Variants in ASPH observed in about 807,000 individuals in gnomAD.
The protein encoded by ASPH is aspartyl/asparaginyl beta-hydroxylase.
A neutral mutation model predicts 118.4 loss-of-function variants in ASPH; 100 were observed. That is an observed-to-expected ratio of 0.84 (90% CI 0.72 to 1.00). The LOEUF is 1.00. ASPH is among the 50% of genes least tolerant of loss of function. The pLI, the probability that ASPH is intolerant of heterozygous loss-of-function variation, is 0.00. For synonymous variants in ASPH, 315 were observed against 325.6 expected, an observed-to-expected ratio of 0.97 and a Z score of 0.35; for missense variants, 920 against 919.5, an observed-to-expected ratio of 1.00 and a Z score of -0.01.
At chr8:61,714,004 C>A (rs914342258) in intron 1 of ASPH, among the ~76,000 whole-genome samples, 3 of 152,258 alleles carry the variant, frequency 2.0e-5, no homozygotes, top group African/African-American at 4.8e-5. Context: ...GTCTCGGCTG[C>A]GCCCTGCAGG....
intron 1 of ASPH, among the ~76,000 whole-genome samples, chr8:61,695,534 T>C (rs940536703): frequency 2.6e-4 from 40 of 152,304 alleles, no homozygotes; most frequent in Admixed American, 1.2e-3. Flanking sequence ...ACCCCAGCTA[T>C]TGCCAGCTCA....
intron 16 of ASPH, among the ~76,000 whole-genome samples, chr8:61,573,342 C>T (rs1834038790): frequency 6.6e-6 from 1 of 152,164 alleles, no homozygotes; most frequent in Admixed American, 6.5e-5. Flanking sequence ...TGACTTTCTT[C>T]ACAGCATTAG....
At position 61,642,504 on chromosome 8, in the gene ASPH, C is replaced by T. The variant is rs117111090; in HGVS notation, c.790+384G>A. On this transcript the variant is annotated intron_variant, in intron 10 of 24. Transcript: ENST00000379454. ...AAGTTGCAAAGTTTATAGTTTAAAG[C>T]ATAATGTTCCACATCTTGTAGTCAA... Among the ~76,000 whole-genome samples, 859 of 152,310 alleles carry T rather than the reference C, an allele frequency of 5.6e-3. 3 individuals carry two copies. Among genetic ancestry groups the T allele is most frequent in the Non-Finnish European group, 9.9e-3 (671 of 68,026 alleles).
intron 4 of ASPH, among the ~76,000 whole-genome samples, chr8:61,651,665 G>A (rs1288445200): frequency 6.6e-6 from 1 of 152,232 alleles, no homozygotes; most frequent in Non-Finnish European, 1.5e-5. Context: ...GGAAGTGTCA[G>A]TAGAAAACCT....
At chr8:61,560,878 C>T (rs533096855) in intron 18 of ASPH, among the ~76,000 whole-genome samples, 196 of 151,850 alleles carry the variant, frequency 1.3e-3, no homozygotes, top group African/African-American at 4.5e-3. Flanking sequence ...TAACCTCAAA[C>T]GTGCTTGCAC....
chr8:61,643,399 C>T lies in ASPH; in HGVS notation c.744G>A (p.Leu248=). 1.2e-6 allele frequency: 2 copies of T among 1,605,722 alleles called. No homozygotes were observed. The highest frequency in any genetic ancestry group is 2.2e-5 in the South Asian group (2 of 90,838). ...CTCATCTAATACCTGTATCATGGTG[C>T]AATCTTTCATCTTCTACTACTGGTT... The part of the protein sequence containing the change: ...SSEPVVEDER[L]HHDTDDVTYQ... The change falls in exon 9 of 25, where the codon TTG becomes TTA. Residue 248 remains leucine (L), a synonymous_variant. Coordinates refer to ENST00000379454, the MANE Select transcript of ASPH (RefSeq NM_004318.4).
intron 1 of ASPH, among the ~76,000 whole-genome samples, chr8:61,685,923 C>T (rs1276603534): frequency 6.6e-6 from 1 of 152,046 alleles, no homozygotes; most frequent in Admixed American, 6.6e-5. Context: ...CACCTGCCAC[C>T]ACGCCTGGCT....
At position 61,653,680 on chromosome 8, in the gene ASPH, AAGTTAACTTG is replaced by A; in HGVS notation, c.323-30_323-21del. On this transcript the variant is annotated intron_variant, in intron 3 of 24. Coordinates refer to ENST00000379454, the MANE Select transcript of ASPH (RefSeq NM_004318.4). ...TAAGTCCTGCATTTTTTTATTCACA[AAGTTAACTTG>A]AGTTTTTGTGGGGTTTTCTGTCACA... 6.2e-7 allele frequency: 1 copy of A among 1,609,418 alleles called. No homozygotes were observed.
At chr8:61,696,783 A>C (rs1441731208) in intron 1 of ASPH, among the ~76,000 whole-genome samples, 1 of 152,258 alleles carries the variant, frequency 6.6e-6, no homozygotes, top group South Asian at 2.1e-4. Flanking sequence ...GTGTAAAGGA[A>C]GATGAGCTAT....
At chr8:61,598,604 T>TA (rs1843084617) in intron 14 of ASPH, among the ~76,000 whole-genome samples, 1 of 152,114 alleles carries the variant, frequency 6.6e-6, no homozygotes, top group African/African-American at 2.4e-5. Context: ...ACCAACAAAA[T>TA]AAACACTGGA....
At chr8:61,504,820 A>G (rs941663865) in intron 24 of ASPH, among the ~76,000 whole-genome samples, 1 of 152,210 alleles carries the variant, frequency 6.6e-6, no homozygotes, top group African/African-American at 2.4e-5. Context: ...AATAACTGAC[A>G]TACTGAATAA....
intron 14 of ASPH, among the ~76,000 whole-genome samples, chr8:61,596,773 T>C (rs575055327): frequency 2.3e-4 from 35 of 152,212 alleles, no homozygotes; most frequent in Admixed American, 1.4e-3. Flanking sequence ...ATTCACAAAA[T>C]TGGAAGAAGT....
intron 14 of ASPH, among the ~76,000 whole-genome samples, chr8:61,608,556 T>C (rs1846291029): frequency 6.6e-6 from 1 of 152,254 alleles, no homozygotes; most frequent in African/African-American, 2.4e-5. Context: ...AACGATCCTT[T>C]TGTTGGCTTT....
In ASPH at chr8:61,705,103, C is replaced by T. The variant is rs548190926; in HGVS notation, c.103+9166G>A. Among the ~76,000 whole-genome samples the T allele has an allele frequency of 1.7e-3, 253 of 152,228 alleles. 1 individual carries two copies. The highest frequency in any genetic ancestry group is 5.4e-3 in the African/African-American group (226 of 41,538). On this transcript the variant is annotated intron_variant, in intron 1 of 24. Coordinates refer to ENST00000379454, the MANE Select transcript of ASPH (RefSeq NM_004318.4). ...GGTTAAAAAACTGTGCTATACAACA[C>T]GAATGGAGCTGGAGGCCACTATCCT...
At chr8:61,527,370 A>G (rs1350393272) in intron 21 of ASPH, among the ~76,000 whole-genome samples, 1 of 152,212 alleles carries the variant, frequency 6.6e-6, no homozygotes, top group Non-Finnish European at 1.5e-5. Context: ...AGAAGGTGAT[A>G]TGGAATCAGG....
chr8:61,604,021 C>T (rs900961458), intron 14 of ASPH, among the ~76,000 whole-genome samples: 1 of 152,154 alleles, frequency 6.6e-6, no homozygotes, highest in Non-Finnish European at 1.5e-5. Flanking sequence ...TTGTGGAATT[C>T]TATAAAGTAC....
chr8:61,515,542 T>G (rs1270768842), intron 24 of ASPH, among the ~76,000 whole-genome samples: 1 of 152,200 alleles, frequency 6.6e-6, no homozygotes, highest in Non-Finnish European at 1.5e-5. Flanking sequence ...AAGCTTCCTC[T>G]AGAAGTTCCT....
intron 16 of ASPH, among the ~76,000 whole-genome samples, chr8:61,573,776 G>T (rs1418924025): frequency 6.6e-6 from 1 of 152,086 alleles, no homozygotes; most frequent in Non-Finnish European, 1.5e-5. Context: ...TACCATTCAG[G>T]ATACAGGCAT....
chr8:61,683,235 T>C (rs1002123419), intron 2 of ASPH, among the ~76,000 whole-genome samples: 1 of 151,906 alleles, frequency 6.6e-6, no homozygotes, highest in African/African-American at 2.4e-5. Flanking sequence ...AATCTGGAAC[T>C]AGATAATGCT....
Sources: gnomAD v4.1 joint callset for allele counts (sites outside exome capture counted in the v4.1 genomes callset) on GRCh38, gnomAD v4.1.1 for gene constraint, MANE v1.5 for transcripts, NCBI Gene and HGNC (gene_info 2026-07-23, HGNC 2026-07-21) for gene names.